Variants in KCNN3 observed in about 807,000 individuals in gnomAD.
KCNN3 encodes potassium calcium-activated channel subfamily N member 3.
Under a neutral mutation model 62.9 loss-of-function variants are expected in KCNN3, and 16 were observed. The ratio of observed to expected loss-of-function variants is 0.25; its 90% confidence interval spans 0.17 to 0.39. KCNN3 has a LOEUF of 0.39. KCNN3 is among the 10% of genes least tolerant of loss of function. The pLI, the probability that KCNN3 is intolerant of heterozygous loss-of-function variation, is 1.00. For synonymous variants in KCNN3, 370 were observed against 389.2 expected, an observed-to-expected ratio of 0.95 and a Z score of 0.58; for missense variants, 599 against 949.4, an observed-to-expected ratio of 0.63 and a Z score of 4.85.
chr1:154,707,440 T>TC lies in KCNN3; in HGVS notation c.*535dup, dbSNP rs397769326. ...TTGTCTGTGTCTTTTTTTTTTTTTT[T>TC]CAGTCTGATTCGAGTATATCTGTTT... On this transcript the variant is annotated 3_prime_UTR_variant, in exon 8 of 8. Transcript: ENST00000271915. 7.3e-5 allele frequency: 11 copies of TC among 151,008 alleles called. No homozygotes were observed. The highest frequency in any genetic ancestry group is 2.0e-4 in the Admixed American group (3 of 15,200). The allele number at this position is 151,008 out of a possible 1,614,324, so 9.4% of individuals were successfully genotyped here. A position where few individuals can be genotyped will look rare whatever the true frequency, so the allele number is the denominator to read the frequency against.
chr1:154,832,268 T>C (rs577874277), intron 1 of KCNN3, among the ~76,000 whole-genome samples: 19 of 151,742 alleles, frequency 1.3e-4, no homozygotes, highest in Non-Finnish European at 2.2e-4. Context: ...ATTACATTAC[T>C]CTTGTGGTGT....
chr1:154,824,799 C>T (rs1212698300), intron 1 of KCNN3, among the ~76,000 whole-genome samples: 1 of 152,100 alleles, frequency 6.6e-6, no homozygotes, highest in Non-Finnish European at 1.5e-5. Context: ...CTTTGGGCCT[C>T]TTCCTTTTGT....
chr1:154,868,174 T>G, intron 1 of KCNN3: 1 of 985,506 alleles, frequency 1.0e-6, no homozygotes, highest in Non-Finnish European at 1.2e-6. Flanking sequence ...GGGGACCGCC[T>G]GGGAAGCCCT....
chr1:154,855,684 C>T (rs2878412), intron 1 of KCNN3, among the ~76,000 whole-genome samples: 100,882 of 152,190 alleles, frequency 0.66, 37,116 homozygotes, highest in East Asian at 0.99. Flanking sequence ...TCTTAGACTG[C>T]GTCCCCGTCG....
At chr1:154,771,793 C>T (rs1292443785) in intron 3 of KCNN3, 182 bp downstream of exon 3, 1 of 689,988 alleles carries the variant, frequency 1.4e-6, no homozygotes, top group Admixed American at 2.1e-5. Context: ...GGTTCCAATG[C>T]TGCAATTCTA....
At chr1:154,867,242 G>T (rs1652989739) in intron 1 of KCNN3, among the ~76,000 whole-genome samples, 2 of 152,184 alleles carry the variant, frequency 1.3e-5, no homozygotes, top group Non-Finnish European at 2.9e-5. Context: ...CAGGAGAGGC[G>T]GTTCTGAGAA....
At chr1:154,808,872 T>C (rs1195252857) in intron 2 of KCNN3, among the ~76,000 whole-genome samples, 3 of 152,022 alleles carry the variant, frequency 2.0e-5, no homozygotes, top group Non-Finnish European at 4.4e-5. Context: ...GATGCACAAG[T>C]GAGGGATCTG....
intron 3 of KCNN3, among the ~76,000 whole-genome samples, chr1:154,749,246 C>T (rs959619518): frequency 6.6e-6 from 1 of 152,244 alleles, no homozygotes; most frequent in Non-Finnish European, 1.5e-5. Context: ...GTGAATGGCA[C>T]CCCCTGGAGG....
At chr1:154,805,012 A>C (rs1451931431) in intron 2 of KCNN3, among the ~76,000 whole-genome samples, 4 of 152,240 alleles carry the variant, frequency 2.6e-5, no homozygotes, top group African/African-American at 9.6e-5. Context: ...ACATTAAAAC[A>C]ATTCTATTCT....
intron 2 of KCNN3, among the ~76,000 whole-genome samples, chr1:154,791,173 G>A (rs932381482): frequency 2.7e-5 from 4 of 146,768 alleles, no homozygotes; most frequent in Non-Finnish European, 4.4e-5. Context: ...AGGTTGCAGC[G>A]AGTCAAGATC....
intron 1 of KCNN3, among the ~76,000 whole-genome samples, chr1:154,829,507 C>T (rs1651291134): frequency 6.6e-6 from 1 of 152,194 alleles, no homozygotes; most frequent in Non-Finnish European, 1.5e-5. Flanking sequence ...GTTCTGGGCC[C>T]ACCCCTCAAC....
chr1:154,825,364 A>ATT lies in KCNN3; in HGVS notation c.934-3182_934-3181dup, dbSNP rs56768657. Among the ~76,000 whole-genome samples the ATT allele has an allele frequency of 5.3e-4, 63 of 118,296 alleles. 1 individual carries two copies. The highest frequency in any genetic ancestry group is 2.6e-3 in the East Asian group (11 of 4,226). The allele number at this position is 118,296 out of a possible 152,430, so 77.6% of individuals were successfully genotyped here. A position where few individuals can be genotyped will look rare whatever the true frequency, so the allele number is the denominator to read the frequency against. ...AATTATATCCCATTTGATGAGAATC[A>ATT]TTTTTTTTTTTTTTTTTTTGAGACA... On this transcript the variant is annotated intron_variant, in intron 1 of 7. Transcript: ENST00000271915.
intron 2 of KCNN3, among the ~76,000 whole-genome samples, chr1:154,789,054 TGTGGAATCAGTTTCACTAGACTAAC>T (rs1402991807): frequency 3.3e-5 from 5 of 152,318 alleles, no homozygotes; most frequent in Admixed American, 2.0e-4. Flanking sequence ...AGGCCAGATG[TGTGGAATCAGTTTCACTAGACTAAC>T]GTGGAGGTTG....
In KCNN3 at chr1:154,795,592, T is replaced by G. The variant is rs145345661; in HGVS notation, c.1030-23199A>C. On this transcript the variant is annotated intron_variant, in intron 2 of 7. Coordinates refer to ENST00000271915, the MANE Select transcript of KCNN3 (RefSeq NM_002249.6). ...AAAGAGGCACGGGCCTGGACCACCC[T>G]CATATAACTCAGTAAATGAGCAGTG... is the stretch of plus-strand genomic sequence containing the variant. 2.7e-3 allele frequency among the ~76,000 whole-genome samples: 418 copies of G among 152,276 alleles called. 4 individuals are homozygous for G. The highest frequency in any genetic ancestry group is 0.018 in the South Asian group (85 of 4,822).
chr1:154,830,587 G>T (rs1286593265), intron 1 of KCNN3, among the ~76,000 whole-genome samples: 2 of 152,224 alleles, frequency 1.3e-5, no homozygotes, highest in East Asian at 3.8e-4. Context: ...GTGGCGTGAA[G>T]GAAGCCAGTG....
chr1:154,857,474 G>C (rs1264257125), intron 1 of KCNN3, among the ~76,000 whole-genome samples: 1 of 151,394 alleles, frequency 6.6e-6, no homozygotes, highest in Admixed American at 6.6e-5. Flanking sequence ...AACATCCCCT[G>C]AGGCTCTGGG....
intron 1 of KCNN3, among the ~76,000 whole-genome samples, chr1:154,850,560 C>A (rs979143451): frequency 1.3e-5 from 2 of 152,212 alleles, no homozygotes; most frequent in Admixed American, 1.3e-4. Flanking sequence ...GAGCCCTGGG[C>A]CCTCTGCAGG....
intron 2 of KCNN3, among the ~76,000 whole-genome samples, chr1:154,812,255 C>G (rs866591152): frequency 1.3e-5 from 2 of 151,562 alleles, no homozygotes; most frequent in African/African-American, 2.4e-5. Context: ...ACAGAATATT[C>G]TTTTTTTTTC....
chr1:154,839,333 G>A (rs1311757382), intron 1 of KCNN3, among the ~76,000 whole-genome samples: 1 of 152,194 alleles, frequency 6.6e-6, no homozygotes, highest in Non-Finnish European at 1.5e-5. Flanking sequence ...GCCCAAAGGA[G>A]CACTGAGCCT....
Sources: gnomAD v4.1 joint callset for allele counts (sites outside exome capture counted in the v4.1 genomes callset) on GRCh38, gnomAD v4.1.1 for gene constraint, MANE v1.5 for transcripts, NCBI Gene and HGNC (gene_info 2026-07-23, HGNC 2026-07-21) for gene names.